The following ASB18 variants were observed in gnomAD, a reference collection of about 807,000 sequenced individuals.
ASB18 encodes ankyrin repeat and SOCS box containing 18.
ASB18 carries 33 observed loss-of-function variants against 33.4 expected under a neutral mutation model. That is an observed-to-expected ratio of 0.99 (90% CI 0.75 to 1.32). The LOEUF is 1.32. Among genes scored for constraint, ASB18 ranks in the 40% most tolerant of loss-of-function variants. ASB18 has a pLI of 0.00. For synonymous variants in ASB18, 295 were observed against 307.6 expected (o/e 0.96, Z 0.43); for missense variants, 694 against 655.5 (o/e 1.06, Z -0.64).
chr2:236,202,437 CAT>C (rs1272817960), intron 4 of ASB18, among the ~76,000 whole-genome samples: 4 of 151,872 alleles, frequency 2.6e-5, no homozygotes, highest in East Asian at 1.9e-4. Flanking sequence ...TTCTGTTGTA[CAT>C]GTTTGTATTT....
rs1454144622 is a variant in ASB18, at chr2:236,195,592, T to G, written c.1216-535A>C. Among the ~76,000 whole-genome samples, 1 of 152,016 alleles carries G rather than the reference T, an allele frequency of 6.6e-6. No individual in the cohort carries two copies. The highest frequency in any genetic ancestry group is 1.5e-5 in the Non-Finnish European group (1 of 67,998). ...GTGCAGTGGCGTGATCCCAGCTTAT[T>G]GCACTCTCTGCCTCCTGGGCTCAAG... On this transcript the variant is annotated intron_variant, in intron 5 of 5. Coordinates refer to ENST00000409749, the MANE Select transcript of ASB18 (RefSeq NM_212556.4). This position sits in a 1 kb window ranked among gnomAD's most constrained non-coding sequence, Gnocchi z 5.5.
Position 236,228,827 on chromosome 2 carries a change from A to G in ASB18, c.596+8862T>C, listed in dbSNP as rs1358862203. Among the ~76,000 whole-genome samples the G allele has an allele frequency of 6.6e-6, 1 of 152,242 alleles. No individual in the cohort carries two copies. Among genetic ancestry groups the G allele is most frequent in the East Asian group, 1.9e-4 (1 of 5,194 alleles). On this transcript the variant is annotated intron_variant, in intron 3 of 5. Coordinates refer to ENST00000409749, the MANE Select transcript of ASB18 (RefSeq NM_212556.4). This position sits in a 1 kb window ranked among gnomAD's most constrained non-coding sequence, Gnocchi z 5.1. ...CTGATTAATAAAGCTTAAAGGCAAG[A>G]CCCAAAAGGATCAAACTATTTCCAA...
rs2060396160 is a variant in ASB18 at position 236,200,595 on chromosome 2, G to A, written c.1102-4210C>T. On this transcript the variant is annotated intron_variant, in intron 4 of 5. Transcript: ENST00000409749. This position sits in a 1 kb window ranked among gnomAD's most constrained non-coding sequence, Gnocchi z 4.2. ...CAAAGAGCCAGCCCAGAGAATGCATGTTCTGCCCTCACTCTCCTTTCCTCC... is the reference window on the plus strand; with the variant it reads ...CAAAGAGCCAGCCCAGAGAATGCATATTCTGCCCTCACTCTCCTTTCCTCC... 6.6e-6 allele frequency among the ~76,000 whole-genome samples: 1 copy of A among 152,154 alleles called. No homozygotes were observed. Among genetic ancestry groups the A allele is most frequent in the Non-Finnish European group, 1.5e-5 (1 of 68,032 alleles).
chr2:236,199,604 G>A (rs545151636), intron 4 of ASB18, among the ~76,000 whole-genome samples: 25 of 149,930 alleles, frequency 1.7e-4, no homozygotes, highest in East Asian at 9.8e-4. Flanking sequence ...GATCTTCACC[G>A]TATCTATTAA....
intron 1 of ASB18, among the ~76,000 whole-genome samples, chr2:236,261,712 C>T (rs1291692761): frequency 6.6e-6 from 1 of 152,122 alleles, no homozygotes; most frequent in Non-Finnish European, 1.5e-5. Context: ...AAAGACATAC[C>T]AGAGACTGAG....
rs1416137004 is a variant in ASB18, at chr2:236,237,964, G to A, written c.329-8C>T. 1.3e-6 allele frequency: 2 copies of A among 1,490,842 alleles called. No homozygotes were observed. The highest frequency in any genetic ancestry group is 2.3e-5 in the Admixed American group (1 of 43,792). The allele number at this position is 1,490,842 out of a possible 1,614,324, so 92.4% of individuals were successfully genotyped here. A position where few individuals can be genotyped will look rare whatever the true frequency, so the allele number is the denominator to read the frequency against. ...ACTCCAGGGTCCAGAGGCCTGCGGG[G>A]AGGGAGGTGGGATGTAAGGTCAGGG... On this transcript the variant is annotated splice_region_variant and splice_polypyrimidine_tract_variant and intron_variant, in intron 2 of 5. Coordinates refer to ENST00000409749, the MANE Select transcript of ASB18 (RefSeq NM_212556.4). This position sits in a 1 kb window ranked among gnomAD's most constrained non-coding sequence, Gnocchi z 6.2.
chr2:236,210,972 A>C (rs10185137), intron 4 of ASB18, among the ~76,000 whole-genome samples: 9 of 152,228 alleles, frequency 5.9e-5, no homozygotes, highest in African/African-American at 1.9e-4. Context: ...AGAGAAGAGC[A>C]AAGTAGTGCT....
Position 236,196,352 on chromosome 2 carries a change from T to C in ASB18, c.1135A>G (p.Ile379Val), listed in dbSNP as rs1415977751. 2 of 1,567,504 alleles carry C rather than the reference T, an allele frequency of 1.3e-6. No homozygotes were observed. Among genetic ancestry groups the C allele is most frequent in the Non-Finnish European group, 1.7e-6 (2 of 1,155,736 alleles). ...GGGTAGGAGTTGAAAAGCACCTCGA[T>C]GACTGCGGGGACAGATGCACAGGTC... is the stretch of plus-strand genomic sequence containing the variant. ...LKTCASVPAV[I>V]EVLFNSYPQL... The change falls in exon 5 of 6, where the codon ATC becomes GTC. Residue 379 changes from isoleucine (I) to valine (V), a missense_variant. By Grantham distance (29) the Ile-to-Val change is conservative. Transcript: ENST00000409749. This position sits in a 1 kb window ranked among gnomAD's most constrained non-coding sequence, Gnocchi z 5.6.
Position 236,229,715 on chromosome 2 carries a change from C to T in ASB18, c.596+7974G>A, listed in dbSNP as rs1010579727. Reference sequence around the variant, plus strand: ...AAATTAGCTGGTGTGGTGGCATGCACCTGTAATCCCAGCTATCTGGGAGGC... The same window carrying T: ...AAATTAGCTGGTGTGGTGGCATGCATCTGTAATCCCAGCTATCTGGGAGGC... On this transcript the variant is annotated intron_variant, in intron 3 of 5. Transcript: ENST00000409749. This position sits in a 1 kb window ranked among gnomAD's most constrained non-coding sequence, Gnocchi z 5.2. Among the ~76,000 whole-genome samples, 2 of 152,012 alleles carry T rather than the reference C, an allele frequency of 1.3e-5. No homozygotes were observed. Among genetic ancestry groups the T allele is most frequent in the Admixed American group, 6.6e-5 (1 of 15,252 alleles).
At position 236,220,783 on chromosome 2, in the gene ASB18, A is replaced by G. The variant is rs1483089489; in HGVS notation, c.597-5917T>C. 6.6e-6 allele frequency among the ~76,000 whole-genome samples: 1 copy of G among 152,158 alleles called. No homozygotes were observed. Among genetic ancestry groups the G allele is most frequent in the Non-Finnish European group, 1.5e-5 (1 of 68,030 alleles). ...ATTTGTTAAGCACCTTCTCTGAGGC[A>G]GGTTCTGTTCTAGGCGTTTTCCACA... On this transcript the variant is annotated intron_variant, in intron 3 of 5. Coordinates refer to ENST00000409749, the MANE Select transcript of ASB18 (RefSeq NM_212556.4). This position sits in a 1 kb window ranked among gnomAD's most constrained non-coding sequence, Gnocchi z 5.1.
In ASB18 at chr2:236,256,658, A is replaced by C. The variant is rs1426969946; in HGVS notation, c.205+7483T>G. Reference sequence around the variant, plus strand: ...TAATAGATGGATGTCATCAGCATACATTATTTCTTTATTAGCCCGTTTCTC... The same window carrying C: ...TAATAGATGGATGTCATCAGCATACCTTATTTCTTTATTAGCCCGTTTCTC... On this transcript the variant is annotated intron_variant, in intron 1 of 5. Coordinates refer to ENST00000409749, the MANE Select transcript of ASB18 (RefSeq NM_212556.4). The surrounding 1 kb of genome is among the most constrained non-coding windows in gnomAD (Gnocchi z 4.7). 6.6e-6 allele frequency among the ~76,000 whole-genome samples: 1 copy of C among 152,188 alleles called. No homozygotes were observed. The highest frequency in any genetic ancestry group is 1.5e-5 in the Non-Finnish European group (1 of 68,036).
At chr2:236,233,374 C>A (rs1237356894) in intron 3 of ASB18, among the ~76,000 whole-genome samples, 1 of 151,894 alleles carries the variant, frequency 6.6e-6, no homozygotes, top group African/African-American at 2.4e-5. Flanking sequence ...TCAACAGGAA[C>A]AAGAAAAATT....
Position 236,256,328 on chromosome 2 carries a change from A to G in ASB18, c.205+7813T>C, listed in dbSNP as rs949704538. ...AGGCATGAACCACCATGCCCGGCCC[A>G]TAAGTATTTATTAGGTACCTAGTAT... On this transcript the variant is annotated intron_variant, in intron 1 of 5. Transcript: ENST00000409749. This position sits in a 1 kb window ranked among gnomAD's most constrained non-coding sequence, Gnocchi z 4.7. 1.3e-5 allele frequency among the ~76,000 whole-genome samples: 2 copies of G among 152,120 alleles called. No individual in the cohort carries two copies. The highest frequency in any genetic ancestry group is 4.8e-5 in the African/African-American group (2 of 41,420).
rs1473165490 is a variant in ASB18, at chr2:236,194,659, A to T, written c.*213T>A. On this transcript the variant is annotated 3_prime_UTR_variant, in exon 6 of 6. Coordinates refer to ENST00000409749, the MANE Select transcript of ASB18 (RefSeq NM_212556.4). The surrounding 1 kb of genome is among the most constrained non-coding windows in gnomAD (Gnocchi z 4.5). The stretch of plus-strand genomic sequence containing the variant: ...GTCACGATTTCACTGGATTTTCACA[A>T]GCGACCCTGAGAGGCAGAAAGGGCT... Among the ~76,000 whole-genome samples the T allele has an allele frequency of 6.6e-6, 1 of 152,166 alleles. No homozygotes were observed. The highest frequency in any genetic ancestry group is 2.4e-5 in the African/African-American group (1 of 41,418).
rs563093217 is a variant in ASB18, at chr2:236,204,005, T to C, written c.1102-7620A>G. Among the ~76,000 whole-genome samples, 1 of 152,188 alleles carries C rather than the reference T, an allele frequency of 6.6e-6. No homozygotes were observed. Among genetic ancestry groups the C allele is most frequent in the Admixed American group, 6.5e-5 (1 of 15,296 alleles). On this transcript the variant is annotated intron_variant, in intron 4 of 5. Transcript: ENST00000409749. The surrounding 1 kb of genome is among the most constrained non-coding windows in gnomAD (Gnocchi z 5.1). ...AAGATGTGTCCATCTAGGGGAGAGA[T>C]GGTGGTGGCCTCACCTCAGGTGGTG...
rs12464503 is a variant in ASB18, at chr2:236,204,364, C to T, written c.1102-7979G>A. Among the ~76,000 whole-genome samples, 26,112 of 152,076 alleles carry T rather than the reference C, an allele frequency of 0.17. 2,242 individuals are homozygous for T. Among genetic ancestry groups the T allele is most frequent in the South Asian group, 0.25 (1,202 of 4,822 alleles). On this transcript the variant is annotated intron_variant, in intron 4 of 5. Coordinates refer to ENST00000409749, the MANE Select transcript of ASB18 (RefSeq NM_212556.4). This position sits in a 1 kb window ranked among gnomAD's most constrained non-coding sequence, Gnocchi z 5.1. Reference sequence around the variant, plus strand: ...GAGGAAGGTGTGCTCTCATTCCTTCCACCTCACTGGTTGCCCCTCCTCGGT... The same window carrying T: ...GAGGAAGGTGTGCTCTCATTCCTTCTACCTCACTGGTTGCCCCTCCTCGGT...
At position 236,260,081 on chromosome 2, in the gene ASB18, T is replaced by C. The variant is rs1359163053; in HGVS notation, c.205+4060A>G. On this transcript the variant is annotated intron_variant, in intron 1 of 5. Transcript: ENST00000409749. This position sits in a 1 kb window ranked among gnomAD's most constrained non-coding sequence, Gnocchi z 5.1. Reference sequence around the variant, plus strand: ...AGGCCGATGAGCATGGTGATTGCACTGCAAGAGGCAAGGTCCTCAAGTGAT... The same window carrying C: ...AGGCCGATGAGCATGGTGATTGCACCGCAAGAGGCAAGGTCCTCAAGTGAT... 1.3e-5 allele frequency among the ~76,000 whole-genome samples: 2 copies of C among 152,240 alleles called. No individual in the cohort carries two copies. The highest frequency in any genetic ancestry group is 4.8e-5 in the African/African-American group (2 of 41,472).
rs770621309 is a variant in ASB18 at position 236,226,930 on chromosome 2, A to G, written c.596+10759T>C. On this transcript the variant is annotated intron_variant, in intron 3 of 5. Coordinates refer to ENST00000409749, the MANE Select transcript of ASB18 (RefSeq NM_212556.4). This position sits in a 1 kb window ranked among gnomAD's most constrained non-coding sequence, Gnocchi z 4.8. ...TCACCCAGCTTCCCCTAAAGTTAAT[A>G]TCTAATATTATTATGGTATATTTGT... Among the ~76,000 whole-genome samples the G allele has an allele frequency of 8.5e-5, 13 of 152,194 alleles. No individual in the cohort carries two copies. The highest frequency in any genetic ancestry group is 3.9e-4 in the Admixed American group (6 of 15,284).
rs1181957808 is a variant in ASB18 at position 236,239,152 on chromosome 2, C to T, written c.329-1196G>A. On this transcript the variant is annotated intron_variant, in intron 2 of 5. Coordinates refer to ENST00000409749, the MANE Select transcript of ASB18 (RefSeq NM_212556.4). This position sits in a 1 kb window ranked among gnomAD's most constrained non-coding sequence, Gnocchi z 5.6. ...GGGGGTGATGGATGTAGTCTATCTACATTGTTATCCCCGTGATAACAATAA... is the reference window on the plus strand; with the variant it reads ...GGGGGTGATGGATGTAGTCTATCTATATTGTTATCCCCGTGATAACAATAA... Among the ~76,000 whole-genome samples, 1 of 152,220 alleles carries T rather than the reference C, an allele frequency of 6.6e-6. No homozygotes were observed. Among genetic ancestry groups the T allele is most frequent in the East Asian group, 1.9e-4 (1 of 5,200 alleles).
Sources: allele counts gnomAD v4.1 joint callset (sites outside exome capture counted in the v4.1 genomes callset), GRCh38; gene constraint gnomAD v4.1.1; non-coding constraint Gnocchi (gnomAD v3.1); transcripts MANE v1.5; gene names NCBI Gene and HGNC (gene_info 2026-07-23, HGNC 2026-07-21).